The following VOPP1 variants were observed in gnomAD, a reference collection of about 807,000 sequenced individuals.
VOPP1 encodes the protein WW domain binding protein VOPP1.
Under a neutral mutation model 23.5 loss-of-function variants are expected in VOPP1, and 8 were observed. The ratio of observed to expected loss-of-function variants is 0.34; its 90% confidence interval spans 0.20 to 0.61. VOPP1 has a LOEUF of 0.61. VOPP1 is among the 20% of genes least tolerant of loss of function. The pLI is 0.78. For missense variants in VOPP1, 174 were observed against 238.1 expected (o/e 0.73, Z 1.77); for synonymous variants, 83 against 97.3 (o/e 0.85, Z 0.86).
intron 2 of VOPP1, among the ~76,000 whole-genome samples, chr7:55,500,590 G>T (rs1415105758): frequency 6.6e-6 from 1 of 152,160 alleles, no homozygotes; most frequent in East Asian, 1.9e-4. Flanking sequence ...CAGTAATAAG[G>T]GTGTGCTGTT....
intron 2 of VOPP1, among the ~76,000 whole-genome samples, chr7:55,500,506 T>C (rs1794292785): frequency 6.6e-6 from 1 of 152,220 alleles, no homozygotes. Context: ...CACTGCTTAA[T>C]CTCAGCCTTG....
At chr7:55,528,010 A>G (rs1330700745) in intron 1 of VOPP1, among the ~76,000 whole-genome samples, 1 of 152,200 alleles carries the variant, frequency 6.6e-6, no homozygotes, top group South Asian at 2.1e-4. Flanking sequence ...TTCAATATAT[A>G]TCAAAAATCT....
intron 1 of VOPP1, among the ~76,000 whole-genome samples, chr7:55,540,186 T>G (rs904062353): frequency 6.6e-6 from 1 of 151,528 alleles, no homozygotes; most frequent in East Asian, 1.9e-4. Context: ...GATCACGAGG[T>G]CAAGAGATCG....
At chr7:55,507,261 ACTC>A (rs1794788398) in intron 2 of VOPP1, among the ~76,000 whole-genome samples, 1 of 151,968 alleles carries the variant, frequency 6.6e-6, no homozygotes, top group Non-Finnish European at 1.5e-5. Flanking sequence ...GCTGGGACAC[ACTC>A]CTCAGGAGAT....
intron 4 of VOPP1, among the ~76,000 whole-genome samples, chr7:55,454,430 T>C (rs1229939234): frequency 6.6e-6 from 1 of 152,050 alleles, no homozygotes; most frequent in Non-Finnish European, 1.5e-5. Context: ...AAAGAGGGAA[T>C]CCTCCCTAAC....
chr7:55,498,635 A>T (rs1447538486), intron 2 of VOPP1, among the ~76,000 whole-genome samples: 1 of 152,176 alleles, frequency 6.6e-6, no homozygotes, highest in East Asian at 1.9e-4. Context: ...CTACAATATT[A>T]AACCATTACC....
intron 1 of VOPP1, among the ~76,000 whole-genome samples, chr7:55,549,836 T>C (rs1331506133): frequency 6.6e-6 from 1 of 152,106 alleles, no homozygotes; most frequent in Non-Finnish European, 1.5e-5. Flanking sequence ...TTTACAAAAA[T>C]CTCACATATT....
At chr7:55,542,228 C>T (rs1319848358) in intron 1 of VOPP1, among the ~76,000 whole-genome samples, 2 of 152,176 alleles carry the variant, frequency 1.3e-5, no homozygotes, top group Non-Finnish European at 2.9e-5. Context: ...ACAGAAATAT[C>T]TACCACCTCA....
At chr7:55,546,689 T>C (rs754331082) in intron 1 of VOPP1, among the ~76,000 whole-genome samples, 33 of 152,208 alleles carry the variant, frequency 2.2e-4, no homozygotes, top group Non-Finnish European at 3.8e-4. Flanking sequence ...TTAAAAAATA[T>C]ACAAATATAT....
At chr7:55,521,258 C>G in intron 1 of VOPP1, 128 bp from the exon 2 acceptor site, 1 of 920,396 alleles carries the variant, frequency 1.1e-6, no homozygotes, top group Non-Finnish European at 1.6e-6. Flanking sequence ...GATATCGGGG[C>G]AGACAATGCA....
Position 55,538,560 on chromosome 7 carries a change from G to A in VOPP1, c.55-17430C>T, listed in dbSNP as rs1796944470. The A allele has an allele frequency of 6.7e-6, 10 of 1,502,714 alleles. No individual in the cohort carries two copies. The South Asian group carries it at 9.6e-5, about 14-fold the overall frequency. 93.1% of individuals were successfully genotyped at this position (1,502,714 alleles called of 1,614,324 possible). A position where few individuals can be genotyped will look rare whatever the true frequency, so the allele number is the denominator to read the frequency against. The stretch of plus-strand genomic sequence containing the variant: ...TTCCACAGTCCAACTGAGGATCACT[G>A]TAAACTGCTTTACATGGTTTAATAA... On this transcript the variant is annotated intron_variant, in intron 1 of 4. Coordinates refer to ENST00000285279, the MANE Select transcript of VOPP1 (RefSeq NM_030796.5).
At chr7:55,478,237 A>G (rs1792422428) in intron 4 of VOPP1, among the ~76,000 whole-genome samples, 1 of 152,238 alleles carries the variant, frequency 6.6e-6, no homozygotes, top group South Asian at 2.1e-4. Flanking sequence ...TATATGGCAC[A>G]TGGCTCTGGA....
intron 1 of VOPP1, among the ~76,000 whole-genome samples, chr7:55,562,410 C>T (rs1233801273): frequency 6.6e-6 from 1 of 152,192 alleles, no homozygotes; most frequent in Non-Finnish European, 1.5e-5. Context: ...AAAACTCTCT[C>T]AAGTACCAAT....
intron 4 of VOPP1, among the ~76,000 whole-genome samples, chr7:55,439,951 G>A (rs1479532280): frequency 6.6e-6 from 1 of 152,186 alleles, no homozygotes; most frequent in Non-Finnish European, 1.5e-5. Flanking sequence ...GGTGGGGCTC[G>A]AGAATGTGTA....
chr7:55,523,923 C>T (rs1169627840), intron 1 of VOPP1, among the ~76,000 whole-genome samples: 1 of 152,180 alleles, frequency 6.6e-6, no homozygotes, highest in Non-Finnish European at 1.5e-5. Context: ...AATGTTTTTT[C>T]AGATAATAAA....
chr7:55,521,234 C>T, intron 1 of VOPP1, 104 bp from the exon 2 acceptor site: 21 of 1,182,524 alleles, frequency 1.8e-5, no homozygotes, highest in Non-Finnish European at 2.5e-5. Context: ...ACAGCTTAAC[C>T]CATGAAAAGC....
chr7:55,546,911 C>T (rs1797388300), intron 1 of VOPP1, among the ~76,000 whole-genome samples: 1 of 152,254 alleles, frequency 6.6e-6, no homozygotes, highest in African/African-American at 2.4e-5. Flanking sequence ...CAAATGGGAG[C>T]TACAGGCCTT....
chr7:55,439,192 G>A (rs143729901), intron 4 of VOPP1, among the ~76,000 whole-genome samples: 32 of 152,066 alleles, frequency 2.1e-4, no homozygotes, highest in African/African-American at 7.7e-4. Flanking sequence ...TGAGGGAGAT[G>A]AGAGAGGGAA....
At chr7:55,436,366 A>G (rs1306784956) in intron 4 of VOPP1, among the ~76,000 whole-genome samples, 2 of 152,028 alleles carry the variant, frequency 1.3e-5, no homozygotes, top group South Asian at 2.1e-4. Flanking sequence ...GGTAATATCT[A>G]CCTTATTTGG....
Sources: allele counts gnomAD v4.1 joint callset (sites outside exome capture counted in the v4.1 genomes callset), GRCh38; gene constraint gnomAD v4.1.1; transcripts MANE v1.5; gene names NCBI Gene and HGNC (gene_info 2026-07-23, HGNC 2026-07-21).